TEAD1: variants seen among roughly 807,000 people sequenced by gnomAD.
The protein encoded by TEAD1 is transcriptional enhancer factor TEF-1.
In TEAD1, 9 loss-of-function variants were observed where a neutral mutation model predicts 54.9. The ratio of observed to expected loss-of-function variants is 0.16; its 90% CI spans 0.10 to 0.29. The LOEUF is 0.29. Among genes scored for constraint, TEAD1 ranks in the 10% least tolerant of loss-of-function variants. The pLI is 1.00. For synonymous variants in TEAD1, 200 were observed against 187.8 expected (o/e 1.07, Z -0.53); for missense variants, 387 against 535.9 (o/e 0.72, Z 2.74).
chr11:12,918,758 T>G (rs1222681105), intron 10 of TEAD1, among the ~76,000 whole-genome samples: 1 of 152,220 alleles, frequency 6.6e-6, no homozygotes, highest in African/African-American at 2.4e-5. Context: ...CCCTAAGTAA[T>G]AGGGTGGATA....
At chr11:12,738,169 A>G (rs1378786815) in intron 2 of TEAD1, among the ~76,000 whole-genome samples, 1 of 152,202 alleles carries the variant, frequency 6.6e-6, no homozygotes, top group Non-Finnish European at 1.5e-5. Context: ...CAGCCAAACC[A>G]TATCAGATGG....
At chr11:12,727,423 G>A (rs1944334645) in intron 2 of TEAD1, among the ~76,000 whole-genome samples, 1 of 152,144 alleles carries the variant, frequency 6.6e-6, no homozygotes, top group South Asian at 2.1e-4. Context: ...TGTGGTAGGC[G>A]CTTCGCATCT....
chr11:12,828,757 C>T (rs958259889), intron 3 of TEAD1, among the ~76,000 whole-genome samples: 8 of 146,370 alleles, frequency 5.5e-5, no homozygotes, highest in Admixed American at 6.9e-5. Flanking sequence ...CCTTAACTGG[C>T]GTCAGCATGG....
intron 3 of TEAD1, among the ~76,000 whole-genome samples, chr11:12,781,455 A>G (rs890133287): frequency 2.6e-5 from 4 of 152,196 alleles, no homozygotes; most frequent in African/African-American, 9.6e-5. Flanking sequence ...GAATATATAA[A>G]GGACTTTTGC....
intron 3 of TEAD1, among the ~76,000 whole-genome samples, chr11:12,769,687 A>G (rs556361333): frequency 1.3e-5 from 2 of 152,162 alleles, no homozygotes; most frequent in Admixed American, 1.3e-4. Context: ...CTCCATATGA[A>G]CATCATGTGG....
rs149379395 is a variant in TEAD1, at chr11:12,743,306, G to A, written c.-54-20873G>A. 3.1e-4 allele frequency among the ~76,000 whole-genome samples: 47 copies of A among 152,260 alleles called. 1 individual carries two copies. In the East Asian group the frequency reaches 8.1e-3, roughly 26 times the overall value. ...AATGTTGCTTTTATTAATATTACAG[G>A]TAAACCAATACGAGGGTGGCCTGGG... On this transcript the variant is annotated intron_variant, in intron 2 of 12. Transcript: ENST00000527636.
At chr11:12,688,067 AT>A (rs1943370927) in intron 2 of TEAD1, among the ~76,000 whole-genome samples, 1 of 152,156 alleles carries the variant, frequency 6.6e-6, no homozygotes, top group Non-Finnish European at 1.5e-5. Flanking sequence ...GGATATGGAA[AT>A]GGCCTCATGC....
chr11:12,881,117 T>G, intron 7 of TEAD1, 66 bp downstream of exon 7: 77 of 1,545,426 alleles, frequency 5.0e-5, no homozygotes, highest in East Asian at 6.7e-5. Context: ...GGGAGAGCTC[T>G]TCCTGGACCA....
intron 11 of TEAD1, among the ~76,000 whole-genome samples, chr11:12,928,283 C>T (rs1423538946): frequency 2.2e-5 from 3 of 135,496 alleles, no homozygotes; most frequent in African/African-American, 2.8e-5. Flanking sequence ...TTTTCTTTTC[C>T]TTTTTTTTTT....
At chr11:12,934,900 T>C (rs1949072521) in intron 12 of TEAD1, among the ~76,000 whole-genome samples, 2 of 152,104 alleles carry the variant, frequency 1.3e-5, no homozygotes, top group African/African-American at 4.8e-5. Context: ...ATGGCTGTAG[T>C]GTACTCGTGA....
chr11:12,777,414 A>G (rs1945451009), intron 3 of TEAD1, among the ~76,000 whole-genome samples: 1 of 152,034 alleles, frequency 6.6e-6, no homozygotes, highest in Non-Finnish European at 1.5e-5. Flanking sequence ...CTTGCCCGAT[A>G]TTTTGTTGAG....
chr11:12,741,868 C>T (rs1297719624), intron 2 of TEAD1, among the ~76,000 whole-genome samples: 1 of 152,184 alleles, frequency 6.6e-6, no homozygotes, highest in Non-Finnish European at 1.5e-5. Context: ...AGTCTGGGCT[C>T]TCCAACAGCC....
At chr11:12,777,863 G>A (rs551211453) in intron 3 of TEAD1, among the ~76,000 whole-genome samples, 1 of 152,296 alleles carries the variant, frequency 6.6e-6, no homozygotes, top group Admixed American at 6.5e-5. Context: ...CAGTTGTTAG[G>A]TGAAGGGAAT....
At chr11:12,913,504 C>G (rs1948654950) in intron 10 of TEAD1, among the ~76,000 whole-genome samples, 1 of 152,138 alleles carries the variant, frequency 6.6e-6, no homozygotes, top group African/African-American at 2.4e-5. Flanking sequence ...CAAGTGTTTC[C>G]TGCAACTTCA....
intron 2 of TEAD1, among the ~76,000 whole-genome samples, chr11:12,703,695 C>G (rs1943752469): frequency 6.6e-6 from 1 of 152,180 alleles, no homozygotes; most frequent in South Asian, 2.1e-4. Flanking sequence ...ATAATAGACC[C>G]TCAGGATATA....
chr11:12,735,841 C>G (rs1480290666), intron 2 of TEAD1, among the ~76,000 whole-genome samples: 1 of 152,190 alleles, frequency 6.6e-6, no homozygotes, highest in Non-Finnish European at 1.5e-5. Flanking sequence ...CTTCATCTCT[C>G]CATCACAGAA....
chr11:12,760,495 C>T (rs1182541380), intron 2 of TEAD1, among the ~76,000 whole-genome samples: 3 of 152,090 alleles, frequency 2.0e-5, no homozygotes, highest in African/African-American at 7.2e-5. Flanking sequence ...ACCTCTTGCC[C>T]CAGTACTGTG....
chr11:12,803,836 C>T (rs959424491), intron 3 of TEAD1, among the ~76,000 whole-genome samples: 3 of 152,184 alleles, frequency 2.0e-5, no homozygotes, highest in African/African-American at 4.8e-5. Flanking sequence ...GAGTCGTTGC[C>T]TGCCCAAGGT....
Position 12,927,132 on chromosome 11 carries a change from C to T in TEAD1, c.1014+2080C>T, listed in dbSNP as rs903457026. On this transcript the variant is annotated intron_variant, in intron 11 of 12. Transcript: ENST00000527636. Reference sequence around the variant, plus strand: ...AAATTCAGGGAGCAGGGAAAGGTTGCTCTTGACTGATAAAATCACAGGAAT... The same window carrying T: ...AAATTCAGGGAGCAGGGAAAGGTTGTTCTTGACTGATAAAATCACAGGAAT... Among the ~76,000 whole-genome samples the T allele has an allele frequency of 3.3e-5, 5 of 152,202 alleles. No individual in the cohort carries two copies. In the East Asian group the frequency reaches 9.6e-4, roughly 29 times the overall value.
Sources: allele counts gnomAD v4.1 joint callset (sites outside exome capture counted in the v4.1 genomes callset), GRCh38; gene constraint gnomAD v4.1.1; transcripts MANE v1.5; gene names NCBI Gene and HGNC (gene_info 2026-07-23, HGNC 2026-07-21).